Variants in ATP11C observed in about 807,000 individuals in gnomAD.
ATP11C encodes the protein phospholipid-transporting ATPase IG.
A neutral mutation model predicts 97.4 loss-of-function variants in ATP11C; 36 were observed. That is an observed-to-expected ratio of 0.37 (90% CI 0.28 to 0.49). The LOEUF (loss-of-function observed/expected upper bound fraction) is 0.49. ATP11C is among the 20% of genes least tolerant of loss of function. The pLI, the probability that ATP11C is intolerant of heterozygous loss-of-function variation, is 0.98. For synonymous variants in ATP11C, 275 were observed against 290.9 expected (o/e 0.95, Z 0.56); for missense variants, 730 against 824.6 (o/e 0.89, Z 1.40).
rs747135536 is a variant in ATP11C at position 139,801,758 on chromosome X, C to T, written c.659+478G>A. ...AAATAGAGGAAATTACACCATTGTA[C>T]TCATCCCTTAACTGTTTACTGTGGA... On this transcript the variant is annotated intron_variant, in intron 7 of 29. Transcript: ENST00000682941. Among the ~76,000 whole-genome samples the T allele has an allele frequency of 4.2e-4, 47 of 111,593 alleles. No individual in the cohort carries two copies. In the South Asian group the frequency reaches 5.6e-3, roughly 13 times the overall value.
intron 1 of ATP11C, among the ~76,000 whole-genome samples, chrX:139,855,303 GT>G (rs1254677166): frequency 8.9e-5 from 10 of 111,881 alleles, no homozygotes; most frequent in Non-Finnish European, 1.1e-4. Context: ...TATATACTTG[GT>G]TTATCTTCCA....
intron 24 of ATP11C, among the ~76,000 whole-genome samples, chrX:139,746,614 C>T (rs905513809): frequency 9.0e-6 from 1 of 111,616 alleles, no homozygotes; most frequent in East Asian, 2.8e-4. Context: ...TCTTACGGTG[C>T]CCTTTATATT....
At chrX:139,835,427 G>A (rs751389971) in intron 1 of ATP11C, among the ~76,000 whole-genome samples, 2 of 110,366 alleles carry the variant, frequency 1.8e-5, no homozygotes, top group East Asian at 2.9e-4. Context: ...TCTTTGACAC[G>A]GAGTTTCGCT....
chrX:139,771,262 G>A (rs887208944), intron 19 of ATP11C, among the ~76,000 whole-genome samples: 2 of 111,485 alleles, frequency 1.8e-5, no homozygotes, highest in African/African-American at 3.3e-5. Flanking sequence ...TTCTGTTACC[G>A]TAGCCATGTA....
intron 1 of ATP11C, among the ~76,000 whole-genome samples, chrX:139,915,350 C>T (rs1312719026): frequency 9.0e-6 from 1 of 111,609 alleles, no homozygotes; most frequent in Non-Finnish European, 1.9e-5. Flanking sequence ...ATTTGAAAAA[C>T]ACATAGACAA....
chrX:139,828,385 T>C (rs1335833834), intron 1 of ATP11C, among the ~76,000 whole-genome samples: 3 of 111,913 alleles, frequency 2.7e-5, no homozygotes, highest in Non-Finnish European at 5.6e-5. Flanking sequence ...CTGACACAGC[T>C]TACTGATAAG....
At chrX:139,803,856 G>A (rs1407101963) in intron 6 of ATP11C, among the ~76,000 whole-genome samples, 1 of 106,250 alleles carries the variant, frequency 9.4e-6, no homozygotes, top group East Asian at 3.0e-4. Context: ...CCACCACTAT[G>A]CCCGGCTAAT....
At chrX:139,893,605 G>A (rs974525649) in intron 1 of ATP11C, among the ~76,000 whole-genome samples, 2 of 111,336 alleles carry the variant, frequency 1.8e-5, no homozygotes, top group African/African-American at 6.5e-5. Flanking sequence ...AAGACAGTCA[G>A]TATTGCTACT....
intron 18 of ATP11C, among the ~76,000 whole-genome samples, chrX:139,776,219 C>G (rs1309640232): frequency 2.7e-5 from 3 of 112,196 alleles, no homozygotes; most frequent in Admixed American, 1.9e-4. Context: ...CGCATATGTA[C>G]CTGGAGAAAC....
intron 24 of ATP11C, among the ~76,000 whole-genome samples, chrX:139,748,223 A>T (rs1484126771): frequency 9.0e-6 from 1 of 110,873 alleles, no homozygotes; most frequent in Non-Finnish European, 1.9e-5. Flanking sequence ...TCCTCACAAA[A>T]CCATTGTGAT....
At chrX:139,811,052 G>C (rs147917427) in intron 5 of ATP11C, among the ~76,000 whole-genome samples, 102 of 110,735 alleles carry the variant, frequency 9.2e-4, no homozygotes, top group African/African-American at 3.2e-3. Context: ...AATATATTTT[G>C]GTTGATTCAT....
At chrX:139,739,197 T>C (rs2081504926) in intron 27 of ATP11C, among the ~76,000 whole-genome samples, 1 of 110,978 alleles carries the variant, frequency 9.0e-6, no homozygotes. Context: ...GGCAGTTAAC[T>C]GAGCCATAAC....
chrX:139,924,461 T>C (rs2085320583), intron 1 of ATP11C, among the ~76,000 whole-genome samples: 2 of 111,650 alleles, frequency 1.8e-5, no homozygotes, highest in South Asian at 7.5e-4. Context: ...ATTTGCGTGA[T>C]GGAAAGAGTT....
chrX:139,881,996 C>T (rs1329781906), intron 1 of ATP11C, among the ~76,000 whole-genome samples: 1 of 111,470 alleles, frequency 9.0e-6, no homozygotes, highest in Non-Finnish European at 1.9e-5. Flanking sequence ...TTATTAACTA[C>T]AGTGTAAATC....
chrX:139,913,167 TA>T lies in ATP11C; in HGVS notation c.27+18848del, dbSNP rs200469517. Among the ~76,000 whole-genome samples the T allele has an allele frequency of 5.6e-3, 623 of 112,048 alleles. 4 individuals are homozygous for T. The highest frequency in any genetic ancestry group is 8.9e-3 in the Non-Finnish European group (475 of 53,244). Reference sequence around the variant, plus strand: ...GCAACTAATTAATTGTATTCATAAGTAGAGATGAGTAAGAGTGCTTTTGAAA... The same window carrying T: ...GCAACTAATTAATTGTATTCATAAGTGAGATGAGTAAGAGTGCTTTTGAAA... On this transcript the variant is annotated intron_variant, in intron 1 of 29. Coordinates refer to ENST00000682941, the MANE Select transcript of ATP11C (RefSeq NM_001353812.2).
At chrX:139,799,994 T>A in intron 8 of ATP11C, 66 bp downstream of exon 8, 2 of 896,961 alleles carry the variant, frequency 2.2e-6, no homozygotes, top group Non-Finnish European at 3.2e-6. Context: ...CTATTTTAGT[T>A]GATTTAACAG....
intron 5 of ATP11C, among the ~76,000 whole-genome samples, chrX:139,810,472 A>C (rs1316389539): frequency 1.8e-5 from 2 of 111,916 alleles, no homozygotes; most frequent in Non-Finnish European, 3.8e-5. Context: ...AAATAATAAT[A>C]ACCAGAAAAT....
chrX:139,832,167 G>A, intron 1 of ATP11C: 1 of 1,209,085 alleles, frequency 8.3e-7, no homozygotes, highest in Non-Finnish European at 1.1e-6. Context: ...AGAGGCTGGA[G>A]GGAGAGATGG....
chrX:139,894,204 G>A (rs2084772362), intron 1 of ATP11C, among the ~76,000 whole-genome samples: 1 of 112,129 alleles, frequency 8.9e-6, no homozygotes, highest in African/African-American at 3.2e-5. Flanking sequence ...ATGTGATGGT[G>A]ACTTCTTTTC....
Sources: allele counts gnomAD v4.1 joint callset (sites outside exome capture counted in the v4.1 genomes callset), GRCh38; gene constraint gnomAD v4.1.1; transcripts MANE v1.5; gene names NCBI Gene and HGNC (gene_info 2026-07-23, HGNC 2026-07-21).